The following SORCS2 variants were observed in gnomAD, a reference collection of about 807,000 sequenced individuals.
SORCS2 encodes VPS10 domain-containing receptor SorCS2.
SORCS2 carries 100 observed loss-of-function variants against 141.6 expected under a neutral mutation model. That is an observed-to-expected ratio of 0.71 (90% confidence interval 0.60 to 0.83). The LOEUF (loss-of-function observed/expected upper bound fraction) is 0.83, where lower values mean the gene tolerates loss of function less well. SORCS2 is among the 40% of genes least tolerant of loss of function. The pLI, the probability that SORCS2 is intolerant of heterozygous loss-of-function variation, is 0.00. For synonymous variants in SORCS2, 789 were observed against 676.9 expected, an observed-to-expected ratio of 1.17 and a Z score of -2.57; for missense variants, 1,646 against 1,560.2, an observed-to-expected ratio of 1.05 and a Z score of -0.93.
At chr4:7,447,181 C>T (rs775312483) in intron 2 of SORCS2, among the ~76,000 whole-genome samples, 3 of 152,202 alleles carry the variant, frequency 2.0e-5, no homozygotes, top group Non-Finnish European at 4.4e-5. Flanking sequence ...GCTGTGAAAG[C>T]AGTTGCATCC....
chr4:7,306,458 G>C (rs1717840121), intron 1 of SORCS2, among the ~76,000 whole-genome samples: 1 of 152,202 alleles, frequency 6.6e-6, no homozygotes, highest in Non-Finnish European at 1.5e-5. Context: ...TGTGTCTGAG[G>C]GTTTGCGGTG....
At chr4:7,403,902 C>T (rs1352304018) in intron 2 of SORCS2, among the ~76,000 whole-genome samples, 1 of 143,352 alleles carries the variant, frequency 7.0e-6, no homozygotes, top group Non-Finnish European at 1.5e-5. Context: ...CTCCACCCCC[C>T]CGTACCCCAT....
chr4:7,592,971 C>A (rs1458408606), intron 3 of SORCS2, among the ~76,000 whole-genome samples: 2 of 152,158 alleles, frequency 1.3e-5, no homozygotes, highest in African/African-American at 4.8e-5. Context: ...GTGTGTGTGA[C>A]AACGTATCCC....
chr4:7,200,981 C>A (rs532790253), intron 1 of SORCS2, among the ~76,000 whole-genome samples: 1 of 152,314 alleles, frequency 6.6e-6, no homozygotes, highest in African/African-American at 2.4e-5. Flanking sequence ...TCTCTGTGTG[C>A]CTAGCGCTGT....
At chr4:7,540,320 G>A (rs887605358) in intron 3 of SORCS2, among the ~76,000 whole-genome samples, 12 of 151,946 alleles carry the variant, frequency 7.9e-5, no homozygotes, top group Admixed American at 3.9e-4. Flanking sequence ...GTGCATGATG[G>A]TGCTCAGAGG....
At position 7,384,793 on chromosome 4, in the gene SORCS2, G is replaced by C. The variant is rs113978788; in HGVS notation, c.481-11495G>C. ...TCTGTGAGGCTCAGTGGCTTGCCCA[G>C]GACTGCACAGCAGGCACGGGCACGT... is the stretch of plus-strand genomic sequence containing the variant. On this transcript the variant is annotated intron_variant, in intron 1 of 26. Coordinates refer to ENST00000507866, the MANE Select transcript of SORCS2 (RefSeq NM_020777.3). Among the ~76,000 whole-genome samples the C allele has an allele frequency of 2.0e-3, 302 of 152,322 alleles. 2 individuals are homozygous for C. Among genetic ancestry groups the C allele is most frequent in the African/African-American group, 7.0e-3 (292 of 41,566 alleles).
chr4:7,215,556 C>A (rs566400157), intron 1 of SORCS2, among the ~76,000 whole-genome samples: 1 of 152,238 alleles, frequency 6.6e-6, no homozygotes, highest in Non-Finnish European at 1.5e-5. Flanking sequence ...CCTGCAGCCC[C>A]GGTGCGGGAT....
chr4:7,326,454 G>A (rs1175245713), intron 1 of SORCS2, among the ~76,000 whole-genome samples: 1 of 152,194 alleles, frequency 6.6e-6, no homozygotes, highest in Non-Finnish European at 1.5e-5. Context: ...CCCCAGCCGT[G>A]GATCTGCCTT....
At chr4:7,604,387 G>A (rs754485000) in intron 3 of SORCS2, among the ~76,000 whole-genome samples, 31 of 152,144 alleles carry the variant, frequency 2.0e-4, no homozygotes, top group Non-Finnish European at 3.5e-4. Context: ...GCGCGATCTC[G>A]GCTCACTGCA....
Position 7,692,090 on chromosome 4 carries a change from A to G in SORCS2, c.1591+2502A>G, listed in dbSNP as rs375627344. On this transcript the variant is annotated intron_variant, in intron 11 of 26. Transcript: ENST00000507866. ...GCTTTCCTGGAAGGTGGAGCCAGGC[A>G]TGCAAGGTGGGCCAATTGATGTGTC... Among the ~76,000 whole-genome samples the G allele has an allele frequency of 2.8e-4, 43 of 152,330 alleles. No individual in the cohort carries two copies. The South Asian group carries it at 8.9e-3, about 32-fold the overall frequency.
intron 21 of SORCS2, among the ~76,000 whole-genome samples, chr4:7,727,307 C>T (rs183237681): frequency 6.6e-6 from 1 of 152,306 alleles, no homozygotes; most frequent in East Asian, 1.9e-4. Context: ...GGACTCCTGT[C>T]TAGAGAAACG....
intron 4 of SORCS2, among the ~76,000 whole-genome samples, chr4:7,642,047 G>T (rs542825397): frequency 5.9e-5 from 9 of 152,338 alleles, no homozygotes; most frequent in African/African-American, 2.2e-4. Context: ...GTGGGTGGTG[G>T]ATGGATGGGG....
intron 1 of SORCS2, among the ~76,000 whole-genome samples, chr4:7,289,723 A>G (rs527240757): frequency 1.2e-4 from 18 of 152,304 alleles, no homozygotes; most frequent in African/African-American, 4.3e-4. Flanking sequence ...AGACTCTCCT[A>G]TCAGCAGCGC....
At chr4:7,708,226 G>C (rs1394660814) in intron 14 of SORCS2, among the ~76,000 whole-genome samples, 1 of 152,212 alleles carries the variant, frequency 6.6e-6, no homozygotes, top group Non-Finnish European at 1.5e-5. Flanking sequence ...TGATGAGCAA[G>C]AAATCACCTG....
intron 2 of SORCS2, among the ~76,000 whole-genome samples, chr4:7,442,658 G>A (rs565312626): frequency 5.1e-5 from 5 of 97,592 alleles, no homozygotes; most frequent in East Asian, 3.3e-4. Context: ...CTGCCCTGCC[G>A]CAGAGGTCAG....
At chr4:7,548,733 A>G (rs73797029) in intron 3 of SORCS2, among the ~76,000 whole-genome samples, 9,684 of 152,192 alleles carry the variant, frequency 0.064, 354 homozygotes, top group South Asian at 0.1. Flanking sequence ...GGTCACACCC[A>G]GTGGGCTGGC....
intron 3 of SORCS2, among the ~76,000 whole-genome samples, chr4:7,634,591 G>A (rs899149343): frequency 1.3e-5 from 2 of 152,202 alleles, no homozygotes; most frequent in African/African-American, 2.4e-5. Context: ...GAGGGGAAGA[G>A]ACAAACCTCT....
chr4:7,616,433 T>C (rs1035038729), intron 3 of SORCS2, among the ~76,000 whole-genome samples: 3 of 152,224 alleles, frequency 2.0e-5, no homozygotes, highest in Admixed American at 2.0e-4. Context: ...TTATCCTCCA[T>C]CCATCCATCC....
chr4:7,225,523 C>T (rs969082659), intron 1 of SORCS2, among the ~76,000 whole-genome samples: 10 of 152,226 alleles, frequency 6.6e-5, no homozygotes, highest in African/African-American at 9.7e-5. Context: ...GCACGGCCAA[C>T]GCTTGATGAT....
Sources: gnomAD v4.1 joint callset for allele counts (sites outside exome capture counted in the v4.1 genomes callset) on GRCh38, gnomAD v4.1.1 for gene constraint, MANE v1.5 for transcripts, NCBI Gene and HGNC (gene_info 2026-07-23, HGNC 2026-07-21) for gene names.